The following AOPEP variants were observed in gnomAD, a reference collection of about 807,000 sequenced individuals.
The protein encoded by AOPEP is aminopeptidase O.
Under a neutral mutation model 98.1 loss-of-function variants are expected in AOPEP, and 77 were observed. The observed-to-expected ratio is 0.78, with a 90% CI of 0.65 to 0.95. The LOEUF is 0.95. Among genes scored for constraint, AOPEP ranks in the 40% least tolerant of loss-of-function variants. The pLI is 0.00. For synonymous variants in AOPEP, 346 were observed against 365.3 expected (o/e 0.95, Z 0.60); for missense variants, 1,024 against 1,024.7 (o/e 1.00, Z 0.01).
At chr9:94,742,350 A>G (rs1234824614) in intron 1 of AOPEP, among the ~76,000 whole-genome samples, 2 of 152,298 alleles carry the variant, frequency 1.3e-5, no homozygotes, top group South Asian at 2.1e-4. Context: ...TAGCCCACCA[A>G]CCAGTGCCTA....
the AOPEP span, among the ~76,000 whole-genome samples, chr9:95,095,752 C>G: frequency 6.6e-6 from 1 of 152,098 alleles, no homozygotes; most frequent in African/African-American, 2.4e-5. Context: ...GGGTCCCGCC[C>G]CCTCTTCGTG....
At chr9:94,927,020 C>T (rs552908593) in intron 6 of AOPEP, among the ~76,000 whole-genome samples, 20 of 152,296 alleles carry the variant, frequency 1.3e-4, no homozygotes, top group South Asian at 4.1e-4. Flanking sequence ...AAACAACAGA[C>T]GTTTATTCCT....
At chr9:94,777,588 A>G (rs1264307376) in intron 3 of AOPEP, among the ~76,000 whole-genome samples, 1 of 149,208 alleles carries the variant, frequency 6.7e-6, no homozygotes, top group East Asian at 2.0e-4. Flanking sequence ...TGTAATACAT[A>G]TATCTGGCAA....
intron 11 of AOPEP, among the ~76,000 whole-genome samples, chr9:94,996,391 T>TGTGTGAGA (rs375605056): frequency 2.1e-5 from 3 of 144,558 alleles, no homozygotes; most frequent in African/African-American, 7.8e-5. Context: ...TGTGTGTGTG[T>TGTGTGAGA]GAGAGAGAGA....
chr9:94,863,435 C>T (rs894864101), intron 5 of AOPEP, among the ~76,000 whole-genome samples: 11 of 152,148 alleles, frequency 7.2e-5, no homozygotes, highest in Admixed American at 6.5e-5. Context: ...CGCCCACCAC[C>T]ACGCCTGGCT....
At chr9:94,852,115 G>A (rs964998594) in intron 5 of AOPEP, among the ~76,000 whole-genome samples, 2 of 151,988 alleles carry the variant, frequency 1.3e-5, no homozygotes, top group East Asian at 1.9e-4. Context: ...TAATTTGAGC[G>A]GCTGCTATGG....
chr9:95,149,581 C>T, the AOPEP span, among the ~76,000 whole-genome samples: 2 of 151,854 alleles, frequency 1.3e-5, no homozygotes, highest in Middle Eastern at 3.4e-3. Context: ...CAGGTGGAAG[C>T]GATCCTCCTG....
intron 13 of AOPEP, among the ~76,000 whole-genome samples, chr9:95,006,477 T>TG (rs2062030230): frequency 6.6e-6 from 1 of 152,182 alleles, no homozygotes; most frequent in Non-Finnish European, 1.5e-5. Context: ...TGCCTTAGTA[T>TG]GGGCATTGCA....
chr9:95,089,860 A>AG (rs2070842237), downstream of AOPEP, among the ~76,000 whole-genome samples: 1 of 152,250 alleles, frequency 6.6e-6, no homozygotes, highest in South Asian at 2.1e-4. Flanking sequence ...ACCCTGCAAC[A>AG]GGCTGTAAGA....
intron 13 of AOPEP, among the ~76,000 whole-genome samples, chr9:95,041,372 AT>A (rs1476788544): frequency 4.0e-5 from 6 of 151,368 alleles, no homozygotes; most frequent in African/African-American, 9.7e-5. Flanking sequence ...AAAAAAAAAA[AT>A]CATCCTTGTG....
intron 13 of AOPEP, among the ~76,000 whole-genome samples, chr9:95,029,171 C>T (rs1043726268): frequency 1.3e-5 from 2 of 152,216 alleles, no homozygotes; most frequent in South Asian, 2.1e-4. Flanking sequence ...CTCCTGTCAC[C>T]GTGCACTCTC....
At chr9:94,859,305 C>G (rs146707892) in intron 5 of AOPEP, among the ~76,000 whole-genome samples, 1 of 152,326 alleles carries the variant, frequency 6.6e-6, no homozygotes, top group East Asian at 1.9e-4. Flanking sequence ...AGCACCCAGT[C>G]TGTGGTACTT....
At chr9:94,838,435 C>T (rs1397949350) in intron 5 of AOPEP, among the ~76,000 whole-genome samples, 4 of 152,216 alleles carry the variant, frequency 2.6e-5, no homozygotes, top group Non-Finnish European at 5.9e-5. Flanking sequence ...GTTTTCATCT[C>T]TTCCATTGAT....
chr9:95,009,192 A>G (rs146967643), intron 13 of AOPEP, among the ~76,000 whole-genome samples: 1 of 152,278 alleles, frequency 6.6e-6, no homozygotes, highest in Non-Finnish European at 1.5e-5. Context: ...TGGTTTTGGA[A>G]GAGGAATGCA....
At chr9:94,807,279 A>G (rs749097224) in intron 5 of AOPEP, among the ~76,000 whole-genome samples, 6 of 152,220 alleles carry the variant, frequency 3.9e-5, no homozygotes, top group Admixed American at 2.0e-4. Context: ...GAGAAGTAGC[A>G]TCTTATCATC....
the AOPEP span, chr9:95,107,561 G>C: frequency 2.5e-5 from 13 of 514,132 alleles, no homozygotes; most frequent in African/African-American, 1.1e-4. Flanking sequence ...ACAGAATGTA[G>C]TCAGATTTTT....
chr9:94,871,434 GAC>G (rs1564294838), intron 5 of AOPEP, among the ~76,000 whole-genome samples: 2 of 152,196 alleles, frequency 1.3e-5, no homozygotes, highest in Non-Finnish European at 2.9e-5. Flanking sequence ...CAATAAATCT[GAC>G]ACATACCTCA....
the AOPEP span, among the ~76,000 whole-genome samples, chr9:95,118,985 A>G: frequency 6.6e-6 from 1 of 152,222 alleles, no homozygotes; most frequent in Non-Finnish European, 1.5e-5. Flanking sequence ...TCGTAAGGCC[A>G]TATGGTTTTC....
intron 6 of AOPEP, among the ~76,000 whole-genome samples, chr9:94,927,685 G>A (rs2136964414): frequency 6.6e-6 from 1 of 152,248 alleles, no homozygotes; most frequent in East Asian, 1.9e-4. Flanking sequence ...CCCTCCCCTG[G>A]CTGCTGCCCC....
Sources: gnomAD v4.1 joint callset for allele counts (sites outside exome capture counted in the v4.1 genomes callset) on GRCh38, gnomAD v4.1.1 for gene constraint, MANE v1.5 for transcripts, NCBI Gene and HGNC (gene_info 2026-07-23, HGNC 2026-07-21) for gene names.